Variants in DLGAP2 observed in about 807,000 individuals in gnomAD.
DLGAP2 encodes DLG associated protein 2.
Under a neutral mutation model 100.3 loss-of-function variants are expected in DLGAP2, and 26 were observed. The ratio of observed to expected loss-of-function variants is 0.26; its 90% CI spans 0.19 to 0.36. The LOEUF (loss-of-function observed/expected upper bound fraction) is 0.36, where lower values mean the gene tolerates loss of function less well. Ranked by LOEUF, DLGAP2 falls within the 10% of genes least tolerant of loss-of-function variation. The probability of loss-of-function intolerance (pLI) is 1.00; values close to 1 mark genes in which losing one functional copy is unlikely to be tolerated. For synonymous variants in DLGAP2, 886 were observed against 630.1 expected, an observed-to-expected ratio of 1.41 and a Z score of -6.08; for missense variants, 1,858 against 1,453.2, an observed-to-expected ratio of 1.28 and a Z score of -4.53.
At chr8:1,504,835 C>T (rs76897833) in intron 4 of DLGAP2, among the ~76,000 whole-genome samples, 17 of 152,256 alleles carry the variant, frequency 1.1e-4, no homozygotes, top group East Asian at 7.7e-4. Context: ...TTAACGAACA[C>T]GAGAGAGCAG....
chr8:1,489,949 T>G (rs541134735), intron 3 of DLGAP2, among the ~76,000 whole-genome samples: 11 of 152,296 alleles, frequency 7.2e-5, no homozygotes, highest in African/African-American at 2.6e-4. Flanking sequence ...TGGAGTGCAG[T>G]GGCACAATCT....
chr8:1,326,663 T>C (rs11136382), intron 3 of DLGAP2, among the ~76,000 whole-genome samples: 146,794 of 152,300 alleles, frequency 0.96, 70,772 homozygotes, highest in East Asian at 1. Context: ...AGTCTTGGTC[T>C]GGGCTTGTCA....
At chr8:1,524,419 G>T (rs1044967387) in intron 4 of DLGAP2, among the ~76,000 whole-genome samples, 12 of 152,152 alleles carry the variant, frequency 7.9e-5, no homozygotes, top group African/African-American at 2.4e-4. Flanking sequence ...AATGCTCCCT[G>T]TAGAGTCAGC....
chr8:798,029 C>T (rs1360845126), intron 1 of DLGAP2, among the ~76,000 whole-genome samples: 2 of 152,208 alleles, frequency 1.3e-5, no homozygotes, highest in African/African-American at 4.8e-5. Flanking sequence ...GGATTACAGG[C>T]GTGAGCCACC....
chr8:910,222 A>T lies in DLGAP2; in HGVS notation c.73+2256A>T, dbSNP rs1364332263. Among the ~76,000 whole-genome samples, 3 of 152,332 alleles carry T rather than the reference A, an allele frequency of 2.0e-5. No homozygotes were observed. The South Asian group carries it at 6.2e-4, about 32-fold the overall frequency. ...AATTAGAAAGAAGATTAACTTTGGG[A>T]TGAATCATCACTTTTTTCTCGTTTG... On this transcript the variant is annotated intron_variant, in intron 2 of 14. Coordinates refer to ENST00000637795, the MANE Select transcript of DLGAP2 (RefSeq NM_001346810.2).
chr8:1,494,883 A>G (rs1799499393), intron 3 of DLGAP2, among the ~76,000 whole-genome samples: 1 of 152,158 alleles, frequency 6.6e-6, no homozygotes. Context: ...CAGAGAACAA[A>G]CTTAACTTCC....
At chr8:1,445,685 A>T (rs1797966292) in intron 3 of DLGAP2, among the ~76,000 whole-genome samples, 1 of 152,160 alleles carries the variant, frequency 6.6e-6, no homozygotes, top group South Asian at 2.1e-4. Context: ...ACAATGGTTG[A>T]ACTAATTTAC....
At chr8:1,206,455 G>T (rs13251183) in intron 2 of DLGAP2, among the ~76,000 whole-genome samples, 15 of 150,708 alleles carry the variant, frequency 1.0e-4, no homozygotes, top group African/African-American at 2.5e-4. Context: ...GACTGGGGTA[G>T]ACTGTGAGTG....
chr8:918,975 G>C (rs935897992), intron 2 of DLGAP2, among the ~76,000 whole-genome samples: 2 of 152,084 alleles, frequency 1.3e-5, no homozygotes, highest in African/African-American at 4.8e-5. Flanking sequence ...GGGTCTCACT[G>C]TGTTGCCCAG....
intron 1 of DLGAP2, among the ~76,000 whole-genome samples, chr8:839,859 TCTC>T (rs767734075): frequency 2.6e-5 from 4 of 152,192 alleles, no homozygotes; most frequent in Non-Finnish European, 5.9e-5. Flanking sequence ...CACGGCCTCT[TCTC>T]CTGCTCCTCT....
chr8:1,370,932 A>C (rs1174299307), intron 3 of DLGAP2, among the ~76,000 whole-genome samples: 1 of 152,218 alleles, frequency 6.6e-6, no homozygotes, highest in Non-Finnish European at 1.5e-5. Flanking sequence ...CCATGGATAG[A>C]ATTTGAATAA....
At chr8:1,124,425 T>C (rs11775878) in intron 2 of DLGAP2, among the ~76,000 whole-genome samples, 53,396 of 152,076 alleles carry the variant, frequency 0.35, 9,553 homozygotes, top group East Asian at 0.5. Context: ...TCAGACTGTA[T>C]GTTTGAGAAG....
intron 3 of DLGAP2, among the ~76,000 whole-genome samples, chr8:1,442,709 C>T (rs1797872626): frequency 6.8e-6 from 1 of 148,146 alleles, no homozygotes; most frequent in Non-Finnish European, 1.5e-5. Context: ...CTGGAGGAGA[C>T]GGATCCGGGC....
chr8:1,590,711 G>C (rs970575884), intron 6 of DLGAP2, among the ~76,000 whole-genome samples: 2 of 152,188 alleles, frequency 1.3e-5, no homozygotes, highest in Non-Finnish European at 2.9e-5. Flanking sequence ...TCAAAATCTT[G>C]TTCTGTCCTA....
At chr8:1,456,369 C>T (rs537980237) in intron 3 of DLGAP2, among the ~76,000 whole-genome samples, 1 of 152,158 alleles carries the variant, frequency 6.6e-6, no homozygotes, top group Non-Finnish European at 1.5e-5. Flanking sequence ...CTGTCGTCTT[C>T]CTGACTAATG....
chr8:1,277,532 A>G (rs926333996), intron 3 of DLGAP2, among the ~76,000 whole-genome samples: 2 of 152,208 alleles, frequency 1.3e-5, no homozygotes, highest in Non-Finnish European at 2.9e-5. Flanking sequence ...TATGAAACAG[A>G]TGATTCTTGA....
rs111840899 is a variant in DLGAP2 at position 1,098,286 on chromosome 8, G to T, written c.74-160565G>T. Among the ~76,000 whole-genome samples, 325 of 152,338 alleles carry T rather than the reference G, an allele frequency of 2.1e-3. 1 individual carries two copies. The highest frequency in any genetic ancestry group is 6.5e-3 in the African/African-American group (272 of 41,574). On this transcript the variant is annotated intron_variant, in intron 2 of 14. Coordinates refer to ENST00000637795, the MANE Select transcript of DLGAP2 (RefSeq NM_001346810.2). ...TTGGAAACTAACTTGGAAGTGAATC[G>T]TTTTGGATGCAAAATGGCAAATGAG...
intron 2 of DLGAP2, among the ~76,000 whole-genome samples, chr8:1,062,312 G>A (rs1157273667): frequency 6.6e-6 from 1 of 152,190 alleles, no homozygotes; most frequent in Non-Finnish European, 1.5e-5. Context: ...AGAGCTCCGT[G>A]GCAGCCTGGT....
intron 3 of DLGAP2, among the ~76,000 whole-genome samples, chr8:1,470,533 G>T (rs1379986127): frequency 6.6e-6 from 1 of 152,104 alleles, no homozygotes; most frequent in East Asian, 1.9e-4. Flanking sequence ...CCATGGGCCA[G>T]TCACACGCAG....
Sources: allele counts gnomAD v4.1 joint callset (sites outside exome capture counted in the v4.1 genomes callset), GRCh38; gene constraint gnomAD v4.1.1; transcripts MANE v1.5; gene names NCBI Gene and HGNC (gene_info 2026-07-23, HGNC 2026-07-21).